Variants in UBAP2L observed in about 807,000 individuals in gnomAD.
UBAP2L encodes ubiquitin-associated protein 2-like.
A neutral mutation model predicts 130.6 loss-of-function variants in UBAP2L; 12 were observed. That is an observed-to-expected ratio of 0.09 (90% CI 0.06 to 0.15). UBAP2L has a LOEUF of 0.15. Among genes scored for constraint, UBAP2L ranks in the 10% least tolerant of loss-of-function variants. The pLI, the probability that UBAP2L is intolerant of heterozygous loss-of-function variation, is 1.00. For missense variants in UBAP2L, 965 were observed against 1,332.5 expected, an observed-to-expected ratio of 0.72 and a Z score of 4.29; for synonymous variants, 503 against 524.7, an observed-to-expected ratio of 0.96 and a Z score of 0.57.
At chr1:154,257,711 G>A (rs1404389436) in intron 20 of UBAP2L, 6 of 414,582 alleles carry the variant, frequency 1.4e-5, no homozygotes, top group Non-Finnish European at 2.6e-5. Context: ...AATAAATGAG[G>A]GATTGCCACA....
chr1:154,257,720 C>T (rs990601343), intron 20 of UBAP2L: 4 of 413,012 alleles, frequency 9.7e-6, no homozygotes, highest in South Asian at 3.2e-5. Context: ...GGGATTGCCA[C>T]ATGTAATCAA....
rs1206082806 is a variant in UBAP2L, at chr1:154,270,536, G to A, written c.*241G>A. 1 of 1,431,200 alleles carries A rather than the reference G, an allele frequency of 7.0e-7. No individual in the cohort carries two copies. Among genetic ancestry groups the A allele is most frequent in the Non-Finnish European group, 9.1e-7 (1 of 1,096,956 alleles). 88.7% of individuals were successfully genotyped at this position (1,431,200 alleles called of 1,614,324 possible). A position where few individuals can be genotyped will look rare whatever the true frequency, so the allele number is the denominator to read the frequency against. On this transcript the variant is annotated 3_prime_UTR_variant, in exon 27 of 27. Transcript: ENST00000428931. ...CCCCTTCCATTCCTTCTCCCCTCTT[G>A]CATTCAAGATTATGAAACTTTGCTA...
intron 4 of UBAP2L, among the ~76,000 whole-genome samples, chr1:154,230,800 G>A (rs1482689493): frequency 2.0e-5 from 3 of 152,204 alleles, no homozygotes; most frequent in African/African-American, 7.2e-5. Flanking sequence ...GGATGTATTT[G>A]GGTGGGTGAG....
intron 8 of UBAP2L, among the ~76,000 whole-genome samples, chr1:154,238,293 A>G (rs778358155): frequency 2.0e-5 from 3 of 152,214 alleles, no homozygotes; most frequent in African/African-American, 4.8e-5. Flanking sequence ...TAGTTACGAA[A>G]TGTCCTGTTA....
intron 1 of UBAP2L, among the ~76,000 whole-genome samples, chr1:154,222,709 CTTAAA>C (rs550314443): frequency 3.5e-4 from 54 of 152,300 alleles, no homozygotes; most frequent in South Asian, 1.7e-3. Context: ...TGAATTGTTT[CTTAAA>C]TTAGATTGTA....
At chr1:154,237,465 C>CT (rs1168084299) in intron 8 of UBAP2L, among the ~76,000 whole-genome samples, 1 of 152,198 alleles carries the variant, frequency 6.6e-6, no homozygotes, top group African/African-American at 2.4e-5. Flanking sequence ...AGTCCATGCC[C>CT]TTTCAACTAT....
intron 20 of UBAP2L, 72 bp downstream of exon 20, chr1:154,257,506 A>C: frequency 6.5e-7 from 1 of 1,548,442 alleles, no homozygotes; most frequent in Non-Finnish European, 8.9e-7. Context: ...CTCTGGCTTC[A>C]GATGGACCCC....
At chr1:154,270,941 C>T, downstream of UBAP2L, 1 of 1,550,096 alleles carries the variant, frequency 6.5e-7, no homozygotes, top group African/African-American at 1.4e-5. Flanking sequence ...CCAACTGGGC[C>T]TCCTCTAGCA....
intron 24 of UBAP2L, among the ~76,000 whole-genome samples, chr1:154,265,849 C>G (rs535235981): frequency 6.6e-6 from 1 of 152,296 alleles, no homozygotes; most frequent in Admixed American, 6.5e-5. Flanking sequence ...ACCTATCCCT[C>G]CCCACCCCGC....
Position 154,251,506 on chromosome 1 carries a change from C to G in UBAP2L, c.1517C>G (p.Pro506Arg). The G allele has an allele frequency of 6.2e-7, 1 of 1,613,994 alleles. No individual in the cohort carries two copies. The highest frequency in any genetic ancestry group is 8.5e-7 in the Non-Finnish European group (1 of 1,180,004). The change falls in exon 14 of 27, where the codon CCT becomes CGT. Residue 506 changes from proline to arginine, a missense_variant. Around this residue, in one of 9 missense-constraint regions of UBAP2L, gnomAD observed 393 missense variants for 408.1 expected, o/e 0.96. Transcript: ENST00000428931. ...ATTCCTGCTCTGGCTGTGGAGATGC[C>G]TGGCTCAGCAGATATCTCAGGGCTA... ...SKIPALAVEM[P>R]GSADISGLNL...
chr1:154,257,406 T>C lies in UBAP2L; in HGVS notation c.2414T>C (p.Met805Thr). 1 of 1,613,098 alleles carries C rather than the reference T, an allele frequency of 6.2e-7. No homozygotes were observed. Among genetic ancestry groups the C allele is most frequent in the Non-Finnish European group, 8.5e-7 (1 of 1,180,048 alleles). The part of the protein sequence containing the change: ...VPPLLPNPYI[M>T]APGLLHAYPP... The stretch of plus-strand genomic sequence containing the variant: ...CCGTTGTTGCCTAATCCGTATATTA[T>C]GGCTCCAGGGCTGTTACATGCCTAC... Residue 805 changes from methionine to threonine, a missense_variant, in exon 20 of 27, where the codon ATG becomes ACG. Coordinates refer to ENST00000428931, the MANE Select transcript of UBAP2L (RefSeq NM_014847.4).
intron 1 of UBAP2L, among the ~76,000 whole-genome samples, chr1:154,222,949 A>T (rs1038365822): frequency 7.9e-5 from 12 of 152,126 alleles, no homozygotes; most frequent in African/African-American, 2.9e-4. Flanking sequence ...TTCTCACCCT[A>T]CTTCCTTTAA....
Position 154,243,202 on chromosome 1 carries a change from C to T in UBAP2L, c.757-15C>T, listed in dbSNP as rs1389312912. Reference sequence around the variant, plus strand: ...ATCCCTGACACCAAGAGTGACTAATCCCTCTGTTTTCCAGCTTTCTGAGAC... The same window carrying T: ...ATCCCTGACACCAAGAGTGACTAATTCCTCTGTTTTCCAGCTTTCTGAGAC... On this transcript the variant is annotated splice_polypyrimidine_tract_variant and intron_variant, in intron 9 of 26. Coordinates refer to ENST00000428931, the MANE Select transcript of UBAP2L (RefSeq NM_014847.4). 1.2e-6 allele frequency: 2 copies of T among 1,607,880 alleles called. No homozygotes were observed. The highest frequency in any genetic ancestry group is 1.7e-6 in the Non-Finnish European group (2 of 1,175,260).
In UBAP2L at chr1:154,255,034, T is replaced by C. The variant is rs993717942; in HGVS notation, c.1910-118T>C. 2.0e-5 allele frequency: 28 copies of C among 1,407,406 alleles called. 1 individual carries two copies. The highest frequency in any genetic ancestry group is 1.4e-4 in the East Asian group (6 of 43,760). The allele number at this position is 1,407,406 out of a possible 1,614,324, so 87.2% of individuals were successfully genotyped here. On this transcript the variant is annotated intron_variant, in intron 16 of 26. Coordinates refer to ENST00000428931, the MANE Select transcript of UBAP2L (RefSeq NM_014847.4). ...TAAAGAAAAAAGATTCTACCTAATA[T>C]AGTCCATTGTTAAATAACTCATCCT...
Position 154,270,446 on chromosome 1 carries a change from C to A in UBAP2L, c.*151C>A. The A allele has an allele frequency of 6.5e-7, 1 of 1,533,836 alleles. No homozygotes were observed. Among genetic ancestry groups the A allele is most frequent in the South Asian group, 1.2e-5 (1 of 82,882 alleles). ...CCCATGCCTCAGCTTCATGTCTGTC[C>A]CATTCCTATACCATCCCCACCCTGT... is the stretch of plus-strand genomic sequence containing the variant. On this transcript the variant is annotated 3_prime_UTR_variant, in exon 27 of 27. Transcript: ENST00000428931.
chr1:154,241,460 T>C lies in UBAP2L; in HGVS notation c.704-53T>C. 4.5e-6 allele frequency: 7 copies of C among 1,568,178 alleles called. 1 individual carries two copies. Among genetic ancestry groups the C allele is most frequent in the Non-Finnish European group, 8.8e-7 (1 of 1,140,886 alleles). On this transcript the variant is annotated intron_variant, in intron 8 of 26. Coordinates refer to ENST00000428931, the MANE Select transcript of UBAP2L (RefSeq NM_014847.4). ...ATACATTGATGTTTTCTATACATGC[T>C]TTGTACTGGCATTTAATAGTGAAGT...
intron 1 of UBAP2L, among the ~76,000 whole-genome samples, chr1:154,224,332 G>A (rs1667274105): frequency 1.3e-5 from 2 of 152,150 alleles, no homozygotes; most frequent in Non-Finnish European, 2.9e-5. Flanking sequence ...GAGGGTAATT[G>A]CCATTTTGGT....
intron 8 of UBAP2L, among the ~76,000 whole-genome samples, chr1:154,239,868 C>G (rs918470943): frequency 1.3e-5 from 2 of 152,132 alleles, no homozygotes; most frequent in Non-Finnish European, 2.9e-5. Context: ...TGTAACTTGT[C>G]TGTACTGAGA....
chr1:154,254,983 G>GAAT (rs1679142789), intron 16 of UBAP2L, 93 bp downstream of exon 16: 5 of 1,468,744 alleles, frequency 3.4e-6, no homozygotes. Context: ...GGACAATTGA[G>GAAT]ACCCATGCTG....
Sources: allele counts gnomAD v4.1 joint callset (sites outside exome capture counted in the v4.1 genomes callset), GRCh38; gene constraint gnomAD v4.1.1; regional missense constraint gnomAD v4.1.1; transcripts MANE v1.5; gene names NCBI Gene and HGNC (gene_info 2026-07-23, HGNC 2026-07-21).